Variants in HPSE2 observed in about 807,000 individuals in gnomAD.
The protein encoded by HPSE2 is inactive heparanase-2.
A neutral mutation model predicts 60.5 loss-of-function variants in HPSE2; 38 were observed. The observed-to-expected ratio is 0.63, with a 90% confidence interval of 0.48 to 0.82. The LOEUF (loss-of-function observed/expected upper bound fraction) is 0.82, where lower values mean the gene tolerates loss of function less well. HPSE2 is among the 40% of genes least tolerant of loss of function. The probability of loss-of-function intolerance (pLI) is 0.00; values close to 1 mark genes in which losing one functional copy is unlikely to be tolerated. For synonymous variants in HPSE2, 295 were observed against 293.2 expected, an observed-to-expected ratio of 1.01 and a Z score of -0.06; for missense variants, 713 against 740.4, an observed-to-expected ratio of 0.96 and a Z score of 0.43.
chr10:99,079,358 G>A (rs560358492), intron 3 of HPSE2, among the ~76,000 whole-genome samples: 6 of 152,224 alleles, frequency 3.9e-5, no homozygotes, highest in South Asian at 2.1e-4. Context: ...CCTCCACCTC[G>A]GTTCTCACTG....
intron 4 of HPSE2, among the ~76,000 whole-genome samples, chr10:98,729,006 A>T (rs1042973233): frequency 6.6e-6 from 1 of 151,894 alleles, no homozygotes; most frequent in African/African-American, 2.4e-5. Context: ...AGGGCCTTGT[A>T]TGAAACAAAA....
chr10:99,071,094 A>C (rs1363122446), intron 3 of HPSE2, among the ~76,000 whole-genome samples: 2 of 133,074 alleles, frequency 1.5e-5, no homozygotes, highest in Non-Finnish European at 3.1e-5. Flanking sequence ...TTTGAGATGG[A>C]GTCTCACTCT....
At chr10:98,795,347 G>GA (rs1401579679) in intron 3 of HPSE2, among the ~76,000 whole-genome samples, 1 of 152,202 alleles carries the variant, frequency 6.6e-6, no homozygotes, top group Non-Finnish European at 1.5e-5. Flanking sequence ...TTACGGCACG[G>GA]AAAGTCTGTG....
rs1958082693 is a variant in HPSE2, at chr10:99,055,182, GA to G, written c.610+89055del. Among the ~76,000 whole-genome samples the G allele has an allele frequency of 2.6e-5, 4 of 152,270 alleles. No homozygotes were observed. The South Asian group carries it at 8.3e-4, about 32-fold the overall frequency. On this transcript the variant is annotated intron_variant, in intron 3 of 11. Transcript: ENST00000370552. ...CAGAAACCAAATCAGAAATGGCCCA[GA>G]TGTTGGACTTAGCAGACAAAGACAT...
intron 3 of HPSE2, among the ~76,000 whole-genome samples, chr10:99,044,723 T>G (rs1029397714): frequency 6.6e-6 from 1 of 152,016 alleles, no homozygotes; most frequent in Non-Finnish European, 1.5e-5. Flanking sequence ...TATTCTTATA[T>G]CAGATAAAAT....
chr10:98,647,786 C>G (rs745511018), intron 6 of HPSE2, among the ~76,000 whole-genome samples: 1 of 152,158 alleles, frequency 6.6e-6, no homozygotes, highest in Non-Finnish European at 1.5e-5. Context: ...AATGGGTCAA[C>G]CTTCTTATCT....
the HPSE2 span, among the ~76,000 whole-genome samples, chr10:99,311,801 T>C: frequency 0.86 from 130,611 of 152,280 alleles, 56,403 homozygotes; most frequent in African/African-American, 0.93. Flanking sequence ...AAAGCTGAGA[T>C]AGGCCGAAAG....
intron 9 of HPSE2, among the ~76,000 whole-genome samples, chr10:98,543,307 G>T (rs183509660): frequency 6.6e-6 from 1 of 152,014 alleles, no homozygotes; most frequent in Non-Finnish European, 1.5e-5. Context: ...CAGGCCTGCC[G>T]TAAAAGAGCT....
rs142405259 is a variant in HPSE2, at chr10:98,743,240, G to A, written c.784+643C>T. The stretch of plus-strand genomic sequence containing the variant: ...CCTACCTAGGCCTCCCAAAGTGCTG[G>A]TATTACAGGCCTGAGCCACCACGCC... On this transcript the variant is annotated intron_variant, in intron 4 of 11. Transcript: ENST00000370552. 3.3e-4 allele frequency among the ~76,000 whole-genome samples: 50 copies of A among 151,898 alleles called. No homozygotes were observed. In the East Asian group the frequency reaches 9.4e-3, roughly 29 times the overall value.
intron 9 of HPSE2, among the ~76,000 whole-genome samples, chr10:98,595,562 A>G (rs1048248929): frequency 6.6e-6 from 1 of 152,154 alleles, no homozygotes; most frequent in African/African-American, 2.4e-5. Flanking sequence ...ATATCCTGCA[A>G]TTTTACTGAA....
At chr10:98,522,001 G>A (rs1415048782) in intron 9 of HPSE2, among the ~76,000 whole-genome samples, 2 of 152,058 alleles carry the variant, frequency 1.3e-5, no homozygotes, top group African/African-American at 4.8e-5. Flanking sequence ...GGGGCTGGGG[G>A]AGGGAAAAGC....
chr10:99,167,826 C>T (rs1212237979), intron 2 of HPSE2, among the ~76,000 whole-genome samples: 4 of 151,836 alleles, frequency 2.6e-5, no homozygotes, highest in East Asian at 1.9e-4. Flanking sequence ...TAGGTCACAT[C>T]GAGAAGAACT....
At position 98,993,347 on chromosome 10, in the gene HPSE2, G is replaced by A. The variant is rs72836789; in HGVS notation, c.610+150891C>T. Among the ~76,000 whole-genome samples, 233 of 152,222 alleles carry A rather than the reference G, an allele frequency of 1.5e-3. 1 individual carries two copies. Among genetic ancestry groups the A allele is most frequent in the Admixed American group, 3.3e-3 (50 of 15,284 alleles). ...GACAAATTGCTCAGACATATACAAC[G>A]TTCTAAAGTATCACAATGATTTGTT... On this transcript the variant is annotated intron_variant, in intron 3 of 11. Coordinates refer to ENST00000370552, the MANE Select transcript of HPSE2 (RefSeq NM_021828.5).
intron 3 of HPSE2, among the ~76,000 whole-genome samples, chr10:98,960,733 TTATTTTA>T (rs1564692819): frequency 1.4e-4 from 8 of 57,320 alleles, no homozygotes; most frequent in African/African-American, 6.2e-4. Flanking sequence ...TTTATTTTTT[TTATTTTA>T]TTTTTTTTTT....
At chr10:98,720,319 G>T (rs909220245) in intron 5 of HPSE2, among the ~76,000 whole-genome samples, 6 of 151,798 alleles carry the variant, frequency 4.0e-5, no homozygotes, top group Non-Finnish European at 7.4e-5. Flanking sequence ...ATAAGAATTT[G>T]GTTGTGTTAC....
intron 3 of HPSE2, among the ~76,000 whole-genome samples, chr10:98,906,963 T>C (rs947956686): frequency 2.0e-5 from 3 of 152,180 alleles, no homozygotes; most frequent in African/African-American, 7.2e-5. Flanking sequence ...ATTTATTCAT[T>C]TACTATTATG....
intron 9 of HPSE2, among the ~76,000 whole-genome samples, chr10:98,571,303 A>C (rs74154303): frequency 0.065 from 9,828 of 152,088 alleles, 1,044 homozygotes; most frequent in African/African-American, 0.22. Context: ...CAGGAGTTTA[A>C]GACCAGCCTG....
At chr10:98,895,120 A>G (rs1268064002) in intron 3 of HPSE2, among the ~76,000 whole-genome samples, 1 of 152,180 alleles carries the variant, frequency 6.6e-6, no homozygotes, top group African/African-American at 2.4e-5. Context: ...CTCTCAGACC[A>G]TCACAGTTTC....
intron 3 of HPSE2, among the ~76,000 whole-genome samples, chr10:99,045,173 C>T (rs1957827580): frequency 6.6e-6 from 1 of 152,040 alleles, no homozygotes; most frequent in African/African-American, 2.4e-5. Context: ...TACTCTTGGA[C>T]CACAGTGCAA....
Sources: gnomAD v4.1 joint callset for allele counts (sites outside exome capture counted in the v4.1 genomes callset) on GRCh38, gnomAD v4.1.1 for gene constraint, MANE v1.5 for transcripts, NCBI Gene and HGNC (gene_info 2026-07-23, HGNC 2026-07-21) for gene names.